RPS6KC1: variants seen among roughly 807,000 people sequenced by gnomAD.
RPS6KC1 encodes the protein inactive ribosomal protein S6 kinase delta-1.
A neutral mutation model predicts 103.8 loss-of-function variants in RPS6KC1; 54 were observed. The observed-to-expected ratio is 0.52, with a 90% CI of 0.42 to 0.65. The LOEUF (loss-of-function observed/expected upper bound fraction) is 0.65, where lower values mean the gene tolerates loss of function less well. Among genes scored for constraint, RPS6KC1 ranks in the 30% least tolerant of loss-of-function variants. The probability of loss-of-function intolerance (pLI) is 0.00; values close to 1 mark genes in which losing one functional copy is unlikely to be tolerated. For synonymous variants in RPS6KC1, 439 were observed against 438.7 expected, an observed-to-expected ratio of 1.00 and a Z score of -0.01; for missense variants, 1,151 against 1,253.8, an observed-to-expected ratio of 0.92 and a Z score of 1.24.
At chr1:213,520,786 A>G in the RPS6KC1 span, among the ~76,000 whole-genome samples, 1 of 152,196 alleles carries the variant, frequency 6.6e-6, no homozygotes, top group East Asian at 1.9e-4. Flanking sequence ...TTACTGGTGG[A>G]TTTTCAAAAA....
the RPS6KC1 span, among the ~76,000 whole-genome samples, chr1:213,823,317 T>A: frequency 6.6e-6 from 1 of 152,244 alleles, no homozygotes; most frequent in East Asian, 1.9e-4. Context: ...AGAGCCTAAG[T>A]TCTGTGAGAG....
chr1:213,660,155 C>A, the RPS6KC1 span, among the ~76,000 whole-genome samples: 5 of 152,208 alleles, frequency 3.3e-5, no homozygotes, highest in African/African-American at 4.8e-5. Context: ...AAGCTACCCT[C>A]TCTCTAGGAG....
chr1:213,106,986 G>A (rs531458154), intron 4 of RPS6KC1, among the ~76,000 whole-genome samples: 50 of 151,854 alleles, frequency 3.3e-4, no homozygotes, highest in African/African-American at 1.2e-3. Context: ...TGTTGCCCAG[G>A]CTAGAGTGCA....
chr1:213,569,621 T>C, the RPS6KC1 span, among the ~76,000 whole-genome samples: 124 of 152,282 alleles, frequency 8.1e-4, no homozygotes, highest in African/African-American at 2.9e-3. Context: ...GATTATTACA[T>C]GTTCAGCATA....
At chr1:213,316,298 C>A in the RPS6KC1 span, among the ~76,000 whole-genome samples, 2 of 152,188 alleles carry the variant, frequency 1.3e-5, no homozygotes, top group Admixed American at 1.3e-4. Flanking sequence ...GTTGATGAAA[C>A]CTCTTTTCTT....
chr1:213,289,517 T>G, the RPS6KC1 span, among the ~76,000 whole-genome samples: 1 of 152,048 alleles, frequency 6.6e-6, no homozygotes, highest in Non-Finnish European at 1.5e-5. Context: ...CCAAATTGAG[T>G]GGAAAGGCAC....
the RPS6KC1 span, among the ~76,000 whole-genome samples, chr1:213,336,233 C>G: frequency 6.6e-6 from 1 of 152,292 alleles, no homozygotes; most frequent in East Asian, 1.9e-4. Context: ...CAATCAAGTT[C>G]AAACTTCTAA....
the RPS6KC1 span, among the ~76,000 whole-genome samples, chr1:213,805,029 G>T: frequency 6.6e-6 from 1 of 152,220 alleles, no homozygotes; most frequent in Non-Finnish European, 1.5e-5. Context: ...AGTCTACGAA[G>T]TGAGCAATAG....
chr1:213,261,548 G>C lies in RPS6KC1; in HGVS notation c.2912-10G>C, dbSNP rs747897814. 3.1e-6 allele frequency: 5 copies of C among 1,611,216 alleles called. No homozygotes were observed. In the Admixed American group the frequency reaches 6.7e-5, roughly 22 times the overall value. On this transcript the variant is annotated splice_polypyrimidine_tract_variant and intron_variant, in intron 12 of 14. Transcript: ENST00000366960. Reference sequence around the variant, plus strand: ...GGAATTTTAATATCAACCTTTTTTGGTGTGGTTAGAGGTTGGAGCAATCAC... The same window carrying C: ...GGAATTTTAATATCAACCTTTTTTGCTGTGGTTAGAGGTTGGAGCAATCAC...
At chr1:213,654,025 T>C in the RPS6KC1 span, among the ~76,000 whole-genome samples, 956 of 152,334 alleles carry the variant, frequency 6.3e-3, 8 homozygotes, top group African/African-American at 0.022. Context: ...GTATAGACCC[T>C]ACAGCCCCCA....
the RPS6KC1 span, among the ~76,000 whole-genome samples, chr1:213,436,311 G>C: frequency 6.6e-6 from 1 of 152,176 alleles, no homozygotes; most frequent in Non-Finnish European, 1.5e-5. Context: ...GTACAGCATT[G>C]TACTGTATAA....
the RPS6KC1 span, among the ~76,000 whole-genome samples, chr1:213,289,478 A>G: frequency 6.6e-6 from 1 of 152,222 alleles, no homozygotes; most frequent in African/African-American, 2.4e-5. Flanking sequence ...TATGAAGCCC[A>G]TAAATAAAAA....
At chr1:213,715,213 C>T in the RPS6KC1 span, among the ~76,000 whole-genome samples, 2 of 152,162 alleles carry the variant, frequency 1.3e-5, no homozygotes, top group Admixed American at 6.5e-5. Context: ...AGTGGCTATA[C>T]ATGTTATAAA....
chr1:213,205,450 C>G, intron 8 of RPS6KC1: 2 of 883,520 alleles, frequency 2.3e-6, no homozygotes, highest in Non-Finnish European at 2.7e-6. Flanking sequence ...CCCTCTTAAT[C>G]AAAGCTTTAA....
the RPS6KC1 span, among the ~76,000 whole-genome samples, chr1:213,302,587 T>C: frequency 6.6e-6 from 1 of 152,266 alleles, no homozygotes; most frequent in East Asian, 1.9e-4. Flanking sequence ...CTGAGGTTAC[T>C]GGACCATTGT....
the RPS6KC1 span, among the ~76,000 whole-genome samples, chr1:213,639,649 G>T: frequency 0.14 from 21,366 of 151,936 alleles, 2,377 homozygotes; most frequent in African/African-American, 0.31. Context: ...CCGCATCTAT[G>T]GATAAGATCA....
the RPS6KC1 span, among the ~76,000 whole-genome samples, chr1:213,834,705 C>T: frequency 1.4e-5 from 2 of 147,632 alleles, no homozygotes; most frequent in Non-Finnish European, 3.0e-5. Flanking sequence ...CACACACACA[C>T]ACGTACACAC....
At chr1:213,124,510 T>TCA (rs2084755701) in intron 5 of RPS6KC1, among the ~76,000 whole-genome samples, 1 of 152,146 alleles carries the variant, frequency 6.6e-6, no homozygotes, top group African/African-American at 2.4e-5. Flanking sequence ...CGTATGATAT[T>TCA]TATATATAGT....
At chr1:213,763,060 T>C in the RPS6KC1 span, among the ~76,000 whole-genome samples, 22 of 152,236 alleles carry the variant, frequency 1.4e-4, no homozygotes, top group Admixed American at 5.2e-4. Context: ...GATTTCACCA[T>C]GTTGGCCAGG....
Sources: gnomAD v4.1 joint callset for allele counts (sites outside exome capture counted in the v4.1 genomes callset) on GRCh38, gnomAD v4.1.1 for gene constraint, MANE v1.5 for transcripts, NCBI Gene and HGNC (gene_info 2026-07-23, HGNC 2026-07-21) for gene names.